MTR: variants seen among roughly 807,000 people sequenced by gnomAD.
The protein encoded by MTR is 5-methyltetrahydrofolate-homocysteine methyltransferase, also known as methionine synthase.
MTR carries 84 observed loss-of-function variants against 154.8 expected under a neutral mutation model. The observed-to-expected ratio is 0.54, with a 90% CI of 0.45 to 0.65. The LOEUF (loss-of-function observed/expected upper bound fraction) is 0.65, where lower values mean the gene tolerates loss of function less well. MTR is among the 30% of genes least tolerant of loss of function. The pLI is 0.00. For synonymous variants in MTR, 554 were observed against 553.9 expected, an observed-to-expected ratio of 1.00 and a Z score of 0.00; for missense variants, 1,275 against 1,570.2, an observed-to-expected ratio of 0.81 and a Z score of 3.18.
At chr1:236,866,319 C>T (rs1263841590) in intron 22 of MTR, among the ~76,000 whole-genome samples, 1 of 152,088 alleles carries the variant, frequency 6.6e-6, no homozygotes, top group Non-Finnish European at 1.5e-5. Context: ...ATCAGTGTTA[C>T]TATTTTAATT....
intron 6 of MTR, among the ~76,000 whole-genome samples, chr1:236,813,427 T>G (rs1661419644): frequency 6.6e-6 from 1 of 152,240 alleles, no homozygotes; most frequent in Non-Finnish European, 1.5e-5. Flanking sequence ...GTATATGCGT[T>G]GTTAATTTTT....
At chr1:236,819,670 A>G in intron 8 of MTR, 1 of 643,164 alleles carries the variant, frequency 1.6e-6, no homozygotes, top group Non-Finnish European at 2.9e-6. Context: ...CAAATGAAAG[A>G]GGAGGATGTC....
At chr1:236,877,604 A>G (rs1160433857) in intron 24 of MTR, among the ~76,000 whole-genome samples, 3 of 151,932 alleles carry the variant, frequency 2.0e-5, no homozygotes, top group South Asian at 2.1e-4. Flanking sequence ...GTAGTATTCC[A>G]TTGTATAATG....
chr1:236,850,192 G>A, intron 15 of MTR, 152 bp from the exon 16 acceptor site: 1 of 386,328 alleles, frequency 2.6e-6, no homozygotes, highest in Non-Finnish European at 4.1e-6. Flanking sequence ...ATTGACACTT[G>A]AGTGTTTTCA....
chr1:236,858,970 G>C (rs1664364928), intron 18 of MTR, among the ~76,000 whole-genome samples: 2 of 152,064 alleles, frequency 1.3e-5, no homozygotes, highest in Admixed American at 1.3e-4. Context: ...TATGTACTTA[G>C]TCTGTATTAT....
chr1:236,900,247 A>ACTC lies in MTR; in HGVS notation c.*2605_*2606insCCT. 3.2e-6 allele frequency: 1 copy of ACTC among 310,554 alleles called. No individual in the cohort carries two copies. Among genetic ancestry groups the ACTC allele is most frequent in the Non-Finnish European group, 6.5e-6 (1 of 154,262 alleles). The allele number at this position is 310,554 out of a possible 1,614,324, so 19.2% of individuals were successfully genotyped here. ...ATTATTCAGTAGTGGAAATGAGTGA[A>ACTC]CTACAGCTATACCTCACAATAAGAA... On this transcript the variant is annotated 3_prime_UTR_variant, in exon 33 of 33. Coordinates refer to ENST00000366577, the MANE Select transcript of MTR (RefSeq NM_000254.3).
In MTR at chr1:236,816,559, T is replaced by C. The variant is rs138222686; in HGVS notation, c.764+16T>C. 453 of 1,604,900 alleles carry C rather than the reference T, an allele frequency of 2.8e-4. 1 individual carries two copies. The African/African-American group carries it at 4.6e-3, about 16-fold the overall frequency. ...AACCACTCTGGTGAGTGATCCATCT[T>C]TCTGTAACTTCTTTTCTTTTTTGGG... On this transcript the variant is annotated intron_variant, in intron 8 of 32. Transcript: ENST00000366577.
intron 6 of MTR, among the ~76,000 whole-genome samples, chr1:236,814,842 A>G (rs1293475864): frequency 1.3e-5 from 2 of 152,194 alleles, no homozygotes; most frequent in African/African-American, 2.4e-5. Context: ...GTCTAGTTCT[A>G]AAGAGGAAAT....
intron 24 of MTR, among the ~76,000 whole-genome samples, chr1:236,880,101 C>T (rs537368388): frequency 1.1e-4 from 16 of 152,222 alleles, no homozygotes; most frequent in South Asian, 1.0e-3. Context: ...GCGGAGCTTG[C>T]GGTGAGCCGA....
At chr1:236,797,969 A>C (rs1218689145) in intron 1 of MTR, among the ~76,000 whole-genome samples, 1 of 139,944 alleles carries the variant, frequency 7.1e-6, no homozygotes, top group East Asian at 2.2e-4. Flanking sequence ...AAAAAAAAAC[A>C]AAACAAAACA....
chr1:236,887,991 C>T (rs1451539629), intron 27 of MTR, among the ~76,000 whole-genome samples: 3 of 152,100 alleles, frequency 2.0e-5, no homozygotes, highest in Non-Finnish European at 4.4e-5. Context: ...TACCAACAAA[C>T]CAACATAATA....
chr1:236,835,742 A>G, intron 14 of MTR, 55 bp downstream of exon 14: 1 of 1,607,534 alleles, frequency 6.2e-7, no homozygotes. Flanking sequence ...TTTGACACTC[A>G]TTTAACCGTG....
Position 236,891,142 on chromosome 1 carries a change from C to T in MTR, c.3017C>T (p.Ala1006Val). ...IFNDKTVGGE[A>V]RKVYDDAHNM... Reference sequence around the variant, plus strand: ...TCTGTTTTTCTAATAGGTGGAGAGGCCAGGAAGGTCTACGATGATGCCCAC... The same window carrying T: ...TCTGTTTTTCTAATAGGTGGAGAGGTCAGGAAGGTCTACGATGATGCCCAC... The change falls in exon 29 of 33, where the codon GCC (alanine) becomes GTC (valine). Residue 1006 changes from alanine to valine, a missense_variant. Physicochemically the swap from Ala to Val is moderately conservative, Grantham distance 64. Coordinates refer to ENST00000366577, the MANE Select transcript of MTR (RefSeq NM_000254.3). 1 of 1,614,008 alleles carries T rather than the reference C, an allele frequency of 6.2e-7. No homozygotes were observed. Among genetic ancestry groups the T allele is most frequent in the South Asian group, 1.1e-5 (1 of 91,076 alleles).
chr1:236,804,407 A>G (rs772000957), intron 2 of MTR, among the ~76,000 whole-genome samples: 22 of 152,154 alleles, frequency 1.4e-4, no homozygotes, highest in Non-Finnish European at 3.1e-4. Flanking sequence ...CTAAGATACA[A>G]TTATCATTCA....
Position 236,862,269 on chromosome 1 carries a change from G to A in MTR, c.2230G>A (p.Val744Ile). 1 of 1,614,030 alleles carries A rather than the reference G, an allele frequency of 6.2e-7. No individual in the cohort carries two copies. Among genetic ancestry groups the A allele is most frequent in the Non-Finnish European group, 8.5e-7 (1 of 1,179,898 alleles). ...GTCAGCCCGGGTTATGAAGAAGGCTGTTGGCCACCTTATCCCTTTCATGGA... is the reference window on the plus strand; with the variant it reads ...GTCAGCCCGGGTTATGAAGAAGGCTATTGGCCACCTTATCCCTTTCATGGA... ...IKSARVMKKA[V>I]GHLIPFMEKE... The change falls in exon 21 of 33, where the codon GTT becomes ATT. Residue 744 changes from valine to isoleucine, a missense_variant. Transcript: ENST00000366577.
At chr1:236,855,052 A>T (rs931846956) in intron 18 of MTR, among the ~76,000 whole-genome samples, 3 of 152,194 alleles carry the variant, frequency 2.0e-5, no homozygotes, top group Non-Finnish European at 4.4e-5. Flanking sequence ...TAACCAAAAC[A>T]GGTATCCTCT....
At chr1:236,891,520 G>A (rs1235129259) in intron 29 of MTR, among the ~76,000 whole-genome samples, 191 bp downstream of exon 29, 1 of 152,174 alleles carries the variant, frequency 6.6e-6, no homozygotes, top group East Asian at 1.9e-4. Context: ...GCGCCACCAT[G>A]GGTGTCAGAG....
intron 9 of MTR, among the ~76,000 whole-genome samples, chr1:236,824,783 C>T (rs1662181933): frequency 1.3e-5 from 2 of 152,170 alleles, no homozygotes; most frequent in South Asian, 4.1e-4. Context: ...AGCCTCTTTT[C>T]TCCAAATGTG....
chr1:236,880,917 C>A, intron 25 of MTR, 81 bp downstream of exon 25: 2 of 1,334,102 alleles, frequency 1.5e-6, no homozygotes, highest in Non-Finnish European at 1.1e-6. Context: ...AAGATCTATT[C>A]ATTTTTATTC....
Sources: allele counts gnomAD v4.1 joint callset (sites outside exome capture counted in the v4.1 genomes callset), GRCh38; gene constraint gnomAD v4.1.1; transcripts MANE v1.5; gene names NCBI Gene and HGNC (gene_info 2026-07-23, HGNC 2026-07-21).